Variants in LDLRAD3 observed in about 807,000 individuals in gnomAD.
LDLRAD3 encodes the protein low density lipoprotein receptor class A domain containing 3, also known as low-density lipoprotein receptor class A domain-containing protein 3.
LDLRAD3 carries 20 observed loss-of-function variants against 29.4 expected under a neutral mutation model. That is an observed-to-expected ratio of 0.68 (90% CI 0.48 to 0.99). LDLRAD3 has a LOEUF of 0.99. Among genes scored for constraint, LDLRAD3 ranks in the 50% least tolerant of loss-of-function variants. The probability of loss-of-function intolerance (pLI) is 0.00; values close to 1 mark genes in which losing one functional copy is unlikely to be tolerated. For synonymous variants in LDLRAD3, 157 were observed against 192.7 expected (o/e 0.81, Z 1.53); for missense variants, 420 against 454.3 (o/e 0.92, Z 0.69).
At chr11:36,029,019 C>T (rs1413227511) in intron 1 of LDLRAD3, among the ~76,000 whole-genome samples, 2 of 152,074 alleles carry the variant, frequency 1.3e-5, no homozygotes, top group African/African-American at 4.8e-5. Flanking sequence ...CCGAGGCAGG[C>T]GGATCACAGG....
At chr11:36,116,335 T>C (rs1163358227) in intron 4 of LDLRAD3, among the ~76,000 whole-genome samples, 1 of 152,134 alleles carries the variant, frequency 6.6e-6, no homozygotes, top group Non-Finnish European at 1.5e-5. Context: ...CCAGCTTGGT[T>C]CCATCTGGTA....
chr11:36,129,341 C>T (rs144112078), intron 4 of LDLRAD3, among the ~76,000 whole-genome samples: 7 of 152,298 alleles, frequency 4.6e-5, no homozygotes, highest in East Asian at 1.9e-4. Context: ...TTTGCTGATT[C>T]GAACATTGAG....
At position 36,230,761 on chromosome 11, in the gene LDLRAD3, A is replaced by G. The variant is rs1401039751; in HGVS notation, c.*1364A>G. ...TTTGTTTTTCCTTTAACAAGGTCCAAAGAAAGATGCAAAAGGAGATCACAC... is the reference window on the plus strand; with the variant it reads ...TTTGTTTTTCCTTTAACAAGGTCCAGAGAAAGATGCAAAAGGAGATCACAC... On this transcript the variant is annotated 3_prime_UTR_variant, in exon 6 of 6. Coordinates refer to ENST00000315571, the MANE Select transcript of LDLRAD3 (RefSeq NM_174902.4). 1.3e-5 allele frequency: 2 copies of G among 152,592 alleles called. No individual in the cohort carries two copies. Among genetic ancestry groups the G allele is most frequent in the Admixed American group, 6.5e-5 (1 of 15,288 alleles). 9.5% of individuals were successfully genotyped at this position (152,592 alleles called of 1,614,324 possible). A position where few individuals can be genotyped will look rare whatever the true frequency, so the allele number is the denominator to read the frequency against.
At chr11:36,144,073 C>T (rs1443338308) in intron 4 of LDLRAD3, among the ~76,000 whole-genome samples, 6 of 152,004 alleles carry the variant, frequency 3.9e-5, no homozygotes, top group African/African-American at 7.3e-5. Context: ...CGATTGCAGG[C>T]GCGCGCCACC....
chr11:36,067,706 T>C (rs1207949077), intron 2 of LDLRAD3, among the ~76,000 whole-genome samples: 1 of 152,230 alleles, frequency 6.6e-6, no homozygotes, highest in East Asian at 1.9e-4. Flanking sequence ...GATCTTGCTC[T>C]GTCACCCACG....
chr11:36,126,816 G>A (rs541298949), intron 4 of LDLRAD3, among the ~76,000 whole-genome samples: 3 of 152,222 alleles, frequency 2.0e-5, no homozygotes, highest in Admixed American at 6.5e-5. Flanking sequence ...AATCTGCAGA[G>A]AACCTATGTT....
intron 4 of LDLRAD3, among the ~76,000 whole-genome samples, chr11:36,147,026 G>T (rs1689971805): frequency 6.7e-6 from 1 of 149,186 alleles, no homozygotes; most frequent in South Asian, 2.1e-4. Flanking sequence ...CTAACCTCGA[G>T]TGACCCACCC....
intron 2 of LDLRAD3, among the ~76,000 whole-genome samples, chr11:36,051,249 C>T (rs1852523711): frequency 6.6e-6 from 1 of 152,134 alleles, no homozygotes; most frequent in Non-Finnish European, 1.5e-5. Context: ...GTTTCAGGGG[C>T]ACCTAGAGAA....
At chr11:36,106,659 T>C (rs974001674) in intron 4 of LDLRAD3, among the ~76,000 whole-genome samples, 7 of 152,210 alleles carry the variant, frequency 4.6e-5, no homozygotes, top group Non-Finnish European at 8.8e-5. Flanking sequence ...GACCAGGGTA[T>C]ATTGTATATA....
chr11:35,994,744 G>A (rs1459136891), intron 1 of LDLRAD3, among the ~76,000 whole-genome samples: 1 of 152,166 alleles, frequency 6.6e-6, no homozygotes, highest in Non-Finnish European at 1.5e-5. Context: ...CCCTGCCACT[G>A]CTTTGCCAGC....
At chr11:36,121,980 A>G (rs1017596561) in intron 4 of LDLRAD3, among the ~76,000 whole-genome samples, 1 of 152,166 alleles carries the variant, frequency 6.6e-6, no homozygotes, top group Non-Finnish European at 1.5e-5. Context: ...AGTTATTTCT[A>G]TTATCACAAT....
intron 4 of LDLRAD3, among the ~76,000 whole-genome samples, chr11:36,149,803 T>C (rs1188249064): frequency 6.6e-6 from 1 of 152,154 alleles, no homozygotes; most frequent in Non-Finnish European, 1.5e-5. Context: ...CCTTGCTGAC[T>C]TGGGGCCCCA....
Position 36,046,320 on chromosome 11 carries a change from C to G in LDLRAD3, c.193+10071C>G, listed in dbSNP as rs138375887. Among the ~76,000 whole-genome samples the G allele has an allele frequency of 7.6e-3, 1,157 of 152,240 alleles. 8 individuals carry two copies. The highest frequency in any genetic ancestry group is 0.011 in the Admixed American group (174 of 15,286). On this transcript the variant is annotated intron_variant, in intron 2 of 5. Coordinates refer to ENST00000315571, the MANE Select transcript of LDLRAD3 (RefSeq NM_174902.4). ...CTTCTGCCATGATTGTGAGGCCTCC[C>G]CAGCCATGTGGAACTGAGAGTCCAA...
chr11:36,179,986 C>A (rs1343331423), intron 4 of LDLRAD3, among the ~76,000 whole-genome samples: 4 of 152,080 alleles, frequency 2.6e-5, no homozygotes, highest in Non-Finnish European at 5.9e-5. Flanking sequence ...CAGAGCAAAA[C>A]CCTGTCTCAA....
intron 4 of LDLRAD3, among the ~76,000 whole-genome samples, chr11:36,190,261 A>G (rs1854921323): frequency 6.6e-6 from 1 of 152,230 alleles, no homozygotes; most frequent in East Asian, 1.9e-4. Flanking sequence ...ATTTAACTTG[A>G]AAAAGTTGGG....
intron 2 of LDLRAD3, among the ~76,000 whole-genome samples, chr11:36,040,624 G>A (rs1156668149): frequency 6.6e-6 from 1 of 152,088 alleles, no homozygotes; most frequent in Non-Finnish European, 1.5e-5. Context: ...GGGAAACAGT[G>A]CTCACTTGTG....
Position 36,025,481 on chromosome 11 carries a change from A to T in LDLRAD3, c.47-10622A>T, listed in dbSNP as rs928032750. Among the ~76,000 whole-genome samples, 4 of 146,638 alleles carry T rather than the reference A, an allele frequency of 2.7e-5. No homozygotes were observed. The Admixed American group carries it at 2.8e-4, about 10-fold the overall frequency. ...TCAGCTCACTGCAAGCACCGCCTCC[A>T]GGGTTCACGCCATTCTCCTGCCTCA... On this transcript the variant is annotated intron_variant, in intron 1 of 5. Transcript: ENST00000315571.
At chr11:36,095,426 G>A (rs561896357) in intron 3 of LDLRAD3, among the ~76,000 whole-genome samples, 7 of 149,856 alleles carry the variant, frequency 4.7e-5, no homozygotes, top group South Asian at 2.1e-4. Flanking sequence ...ATTATTTCAC[G>A]GTTTTACTGA....
At chr11:36,166,341 C>T (rs1034573824) in intron 4 of LDLRAD3, among the ~76,000 whole-genome samples, 9 of 152,230 alleles carry the variant, frequency 5.9e-5, no homozygotes, top group South Asian at 2.1e-4. Context: ...GTAATCACAT[C>T]GGCATGGCAG....
Sources: allele counts gnomAD v4.1 joint callset (sites outside exome capture counted in the v4.1 genomes callset), GRCh38; gene constraint gnomAD v4.1.1; transcripts MANE v1.5; gene names NCBI Gene and HGNC (gene_info 2026-07-23, HGNC 2026-07-21).